The following NDST3 variants were observed in gnomAD, a reference collection of about 807,000 sequenced individuals.
NDST3 encodes the protein bifunctional heparan sulfate N-deacetylase/N-sulfotransferase 3.
NDST3 carries 58 observed loss-of-function variants against 96.1 expected under a neutral mutation model. That is an observed-to-expected ratio of 0.60 (90% confidence interval 0.49 to 0.75). The LOEUF is 0.75. NDST3 is among the 30% of genes least tolerant of loss of function. NDST3 has a pLI of 0.00. For missense variants in NDST3, 788 were observed against 1,034.2 expected, an observed-to-expected ratio of 0.76 and a Z score of 3.27; for synonymous variants, 333 against 359.7, an observed-to-expected ratio of 0.93 and a Z score of 0.84.
At chr4:118,199,030 T>C (rs898501140) in intron 6 of NDST3, among the ~76,000 whole-genome samples, 5 of 152,182 alleles carry the variant, frequency 3.3e-5, no homozygotes, top group Non-Finnish European at 5.9e-5. Context: ...CTTGAGTTAG[T>C]CTTCTTTGCA....
At chr4:118,163,530 T>C (rs932897214) in intron 6 of NDST3, among the ~76,000 whole-genome samples, 1 of 151,678 alleles carries the variant, frequency 6.6e-6, no homozygotes, top group African/African-American at 2.4e-5. Flanking sequence ...ATATTCTCAC[T>C]CATAGGTGGG....
chr4:118,114,868 T>G lies in NDST3; in HGVS notation c.1132T>G (p.Phe378Val). Residue 378 changes from phenylalanine to valine, a missense_variant, in exon 4 of 14, where the codon TTT (phenylalanine) becomes GTT (valine). This residue lies in a region of NDST3 where 490 missense variants were observed against 708.8 expected (regional missense o/e 0.69). Transcript: ENST00000296499. Reference sequence around the variant, plus strand: ...GGGGTCTGTGGATGAGTTCTGGTGGTTTCCTCACATGTGGAGCCATATGCA... The same window carrying G: ...GGGGTCTGTGGATGAGTTCTGGTGGGTTCCTCACATGTGGAGCCATATGCA... Reference protein sequence around the residue: ...LLGSVDEFWWFPHMWSHMQPH... With the variant: ...LLGSVDEFWWVPHMWSHMQPH... 6.2e-7 allele frequency: 1 copy of G among 1,614,092 alleles called. No homozygotes were observed. The highest frequency in any genetic ancestry group is 8.5e-7 in the Non-Finnish European group (1 of 1,179,978).
At chr4:118,254,637 C>T (rs535100969) in intron 13 of NDST3, among the ~76,000 whole-genome samples, 1 of 152,190 alleles carries the variant, frequency 6.6e-6, no homozygotes, top group South Asian at 2.1e-4. Context: ...TTCAATATAA[C>T]CATGCAAGTA....
In NDST3 at chr4:118,039,921, A is replaced by C. The variant is rs185356887; in HGVS notation, c.-156+5329A>C. 1.4e-3 allele frequency among the ~76,000 whole-genome samples: 209 copies of C among 152,342 alleles called. 1 individual carries two copies. The highest frequency in any genetic ancestry group is 4.8e-3 in the African/African-American group (200 of 41,578). ...GGTCTTGTGGGACATGTACAAGAATATGAATTTTAACCAGCAAGTAAAATA... is the reference window on the plus strand; with the variant it reads ...GGTCTTGTGGGACATGTACAAGAATCTGAATTTTAACCAGCAAGTAAAATA... On this transcript the variant is annotated intron_variant, in intron 1 of 13. Transcript: ENST00000296499.
At chr4:118,069,727 G>A (rs1726892304) in intron 2 of NDST3, among the ~76,000 whole-genome samples, 2 of 151,780 alleles carry the variant, frequency 1.3e-5, no homozygotes, top group Admixed American at 1.3e-4. Context: ...GAGTTAATAT[G>A]GTCACTTATG....
At chr4:118,175,461 C>A (rs1330389587) in intron 6 of NDST3, among the ~76,000 whole-genome samples, 1 of 152,096 alleles carries the variant, frequency 6.6e-6, no homozygotes, top group Admixed American at 6.6e-5. Context: ...GTAGTGCCCA[C>A]ATTTACTAAC....
intron 6 of NDST3, among the ~76,000 whole-genome samples, chr4:118,154,463 G>A (rs547341773): frequency 2.0e-5 from 3 of 152,258 alleles, no homozygotes; most frequent in African/African-American, 7.2e-5. Context: ...CTTGCTTTAA[G>A]GTATATCCAA....
intron 6 of NDST3, among the ~76,000 whole-genome samples, chr4:118,201,872 G>T (rs927529189): frequency 6.6e-6 from 1 of 152,020 alleles, no homozygotes; most frequent in African/African-American, 2.4e-5. Flanking sequence ...GGCTGACTTT[G>T]AGATAAGTAT....
chr4:118,224,181 G>T (rs534231884), intron 6 of NDST3, among the ~76,000 whole-genome samples: 2 of 152,008 alleles, frequency 1.3e-5, no homozygotes, highest in Non-Finnish European at 2.9e-5. Flanking sequence ...AAATATACAG[G>T]TTGTTATTCA....
intron 6 of NDST3, chr4:118,193,828 T>A: frequency 7.1e-7 from 1 of 1,408,442 alleles, no homozygotes; most frequent in South Asian, 1.2e-5. Context: ...AAGAGGCCAG[T>A]TGAAGGGCCT....
intron 10 of NDST3, among the ~76,000 whole-genome samples, chr4:118,238,155 A>AAAAGAACG (rs1740772391): frequency 1.1e-5 from 1 of 91,198 alleles, no homozygotes; most frequent in Non-Finnish European, 2.3e-5. Flanking sequence ...GAAAAGAAAG[A>AAAAGAACG]AAAGAAAGAA....
At chr4:118,061,687 G>T (rs1240539342) in intron 2 of NDST3, among the ~76,000 whole-genome samples, 1 of 152,002 alleles carries the variant, frequency 6.6e-6, no homozygotes, top group African/African-American at 2.4e-5. Context: ...CATCTATTTT[G>T]TTCACGGATG....
intron 2 of NDST3, among the ~76,000 whole-genome samples, chr4:118,070,294 T>C (rs966494190): frequency 5.3e-5 from 8 of 151,966 alleles, no homozygotes; most frequent in Admixed American, 1.3e-4. Flanking sequence ...TATGGTGAAA[T>C]AGGGTGAACA....
At chr4:118,102,334 T>C (rs563614162) in intron 2 of NDST3, among the ~76,000 whole-genome samples, 1 of 152,160 alleles carries the variant, frequency 6.6e-6, no homozygotes, top group South Asian at 2.1e-4. Context: ...ACCACTAAAT[T>C]GTGCCTCTTC....
rs772896512 is a variant in NDST3, at chr4:118,240,678, A to AT, written c.2276dup (p.Phe762IlefsTer7). 6.2e-7 allele frequency: 1 copy of AT among 1,613,174 alleles called. No homozygotes were observed. Among genetic ancestry groups the AT allele is most frequent in the South Asian group, 1.1e-5 (1 of 91,000 alleles). ...AGCCACATCGAGAGATGGCTTGTTT[A>AT]TTTCCCCCCATTTCAGGTATGGAGT... is the stretch of plus-strand genomic sequence containing the variant. On this transcript the variant is annotated frameshift_variant, in exon 11 of 14. Coordinates refer to ENST00000296499, the MANE Select transcript of NDST3 (RefSeq NM_004784.3). LOFTEE classifies it high-confidence loss of function.
At chr4:118,067,044 C>A (rs146060241) in intron 2 of NDST3, among the ~76,000 whole-genome samples, 3,001 of 148,700 alleles carry the variant, frequency 0.02, 49 homozygotes, top group Non-Finnish European at 0.032. Context: ...CAGAGAAAGA[C>A]AACTTACTTG....
chr4:118,192,924 G>T (rs1737407831), intron 6 of NDST3, among the ~76,000 whole-genome samples: 1 of 152,110 alleles, frequency 6.6e-6, no homozygotes, highest in Non-Finnish European at 1.5e-5. Context: ...GCCATCTGGG[G>T]TGAGGAAGGG....
chr4:118,244,918 T>C (rs541763365), intron 12 of NDST3, among the ~76,000 whole-genome samples: 9 of 152,286 alleles, frequency 5.9e-5, no homozygotes, highest in African/African-American at 2.2e-4. Context: ...TCTCAGTGAT[T>C]GTGTGAATGA....
chr4:118,184,366 G>T (rs1392088111), intron 6 of NDST3, among the ~76,000 whole-genome samples: 3 of 151,908 alleles, frequency 2.0e-5, no homozygotes, highest in Non-Finnish European at 4.4e-5. Context: ...CATAATGTGG[G>T]TGGGCCTCAT....
Sources: gnomAD v4.1 joint callset for allele counts (sites outside exome capture counted in the v4.1 genomes callset) on GRCh38, gnomAD v4.1.1 for gene constraint, gnomAD v4.1.1 regional missense constraint, MANE v1.5 for transcripts, NCBI Gene and HGNC (gene_info 2026-07-23, HGNC 2026-07-21) for gene names.